The following FUT8 variants were observed in gnomAD, a reference collection of about 807,000 sequenced individuals.
The protein encoded by FUT8 is fucosyltransferase 8.
Under a neutral mutation model 71.3 loss-of-function variants are expected in FUT8, and 29 were observed. That is an observed-to-expected ratio of 0.41 (90% CI 0.30 to 0.55). The LOEUF is 0.55. Ranked by LOEUF, FUT8 falls within the 20% of genes least tolerant of loss-of-function variation. FUT8 has a pLI of 0.34. For synonymous variants in FUT8, 254 were observed against 239.3 expected, an observed-to-expected ratio of 1.06 and a Z score of -0.57; for missense variants, 544 against 702.1, an observed-to-expected ratio of 0.77 and a Z score of 2.55.
intron 2 of FUT8, among the ~76,000 whole-genome samples, chr14:65,497,868 G>A (rs1171589997): frequency 6.6e-6 from 1 of 152,030 alleles, no homozygotes; most frequent in Non-Finnish European, 1.5e-5. Flanking sequence ...CGAATAGGGT[G>A]GGAAAGGAGA....
intron 1 of FUT8, among the ~76,000 whole-genome samples, chr14:65,417,364 A>G (rs548805138): frequency 2.4e-4 from 36 of 152,160 alleles, no homozygotes; most frequent in Non-Finnish European, 3.8e-4. Flanking sequence ...TTCCATTTGG[A>G]ATAATGGGAA....
At position 65,620,343 on chromosome 14, in the gene FUT8, T is replaced by C. The variant is rs145544330; in HGVS notation, c.482+3970T>C. Among the ~76,000 whole-genome samples the C allele has an allele frequency of 9.2e-5, 14 of 152,288 alleles. No individual in the cohort carries two copies. The East Asian group carries it at 2.7e-3, about 29-fold the overall frequency. Reference sequence around the variant, plus strand: ...AGTTTGCATTTCTCATTATCAGTAATATATAGGGCAGCTGTGCTTAGACTA... The same window carrying C: ...AGTTTGCATTTCTCATTATCAGTAACATATAGGGCAGCTGTGCTTAGACTA... On this transcript the variant is annotated intron_variant, in intron 5 of 10. Coordinates refer to ENST00000673929, the MANE Select transcript of FUT8 (RefSeq NM_001371533.1).
intron 3 of FUT8, among the ~76,000 whole-genome samples, chr14:65,567,655 A>G (rs951866076): frequency 6.6e-6 from 1 of 151,888 alleles, no homozygotes; most frequent in African/African-American, 2.4e-5. Context: ...TCAATCTTGT[A>G]TCCATTATTC....
chr14:65,557,402 G>A (rs1332812099), intron 2 of FUT8, among the ~76,000 whole-genome samples: 9 of 149,428 alleles, frequency 6.0e-5, no homozygotes, highest in Admixed American at 3.3e-4. Flanking sequence ...TTGTGATCTC[G>A]GCTCACTGCA....
chr14:65,476,621 A>G (rs539801571), intron 2 of FUT8, among the ~76,000 whole-genome samples: 1 of 142,336 alleles, frequency 7.0e-6, no homozygotes, highest in African/African-American at 2.6e-5. Context: ...TTCAAGTGGT[A>G]GAGTTAAAGA....
intron 5 of FUT8, among the ~76,000 whole-genome samples, chr14:65,617,800 C>T (rs1052655216): frequency 6.6e-6 from 1 of 151,574 alleles, no homozygotes; most frequent in African/African-American, 2.4e-5. Flanking sequence ...AAAAATCAGC[C>T]ATGCATGGTG....
intron 3 of FUT8, among the ~76,000 whole-genome samples, chr14:65,563,496 G>A (rs1359079276): frequency 6.6e-6 from 1 of 151,966 alleles, no homozygotes; most frequent in African/African-American, 2.4e-5. Flanking sequence ...CTGAATAACT[G>A]TATTGCCTTC....
intron 2 of FUT8, chr14:65,458,312 C>T (rs1001546575): frequency 1.2e-4 from 19 of 152,042 alleles, no homozygotes; most frequent in African/African-American, 4.6e-4. Context: ...ATATAGGTAG[C>T]TTCAAAAGTC....
chr14:65,611,528 T>C (rs1029616206), intron 3 of FUT8, among the ~76,000 whole-genome samples: 1 of 152,084 alleles, frequency 6.6e-6, no homozygotes, highest in African/African-American at 2.4e-5. Context: ...TTTGCTCTTT[T>C]TTTCTTAGTT....
At chr14:65,504,218 A>T (rs993689535) in intron 2 of FUT8, among the ~76,000 whole-genome samples, 8 of 152,090 alleles carry the variant, frequency 5.3e-5, no homozygotes, top group African/African-American at 9.7e-5. Flanking sequence ...TGGATTAAAA[A>T]TTTTTTTTAA....
intron 7 of FUT8, among the ~76,000 whole-genome samples, chr14:65,691,677 T>G (rs1471047640): frequency 6.6e-6 from 1 of 151,930 alleles, no homozygotes; most frequent in Non-Finnish European, 1.5e-5. Flanking sequence ...CATAGGACAA[T>G]AGTGGAGGGA....
intron 7 of FUT8, among the ~76,000 whole-genome samples, chr14:65,697,991 C>CAA (rs11383641): frequency 7.2e-4 from 96 of 132,650 alleles, no homozygotes; most frequent in African/African-American, 2.0e-3. Flanking sequence ...AACTCCATCT[C>CAA]AAAAAAAAAA....
rs528713718 is a variant in FUT8 at position 65,698,374 on chromosome 14, A to G, written c.836-23401A>G. Among the ~76,000 whole-genome samples, 442 of 152,318 alleles carry G rather than the reference A, an allele frequency of 2.9e-3. 6 individuals carry two copies. Among genetic ancestry groups the G allele is most frequent in the Middle Eastern group, 0.01 (3 of 294 alleles). On this transcript the variant is annotated intron_variant, in intron 7 of 10. Coordinates refer to ENST00000673929, the MANE Select transcript of FUT8 (RefSeq NM_001371533.1). ...TAAAATTAACAAAAACAAGAATAATATCTCTTTTCCTGTCATGTACTATTT... is the reference window on the plus strand; with the variant it reads ...TAAAATTAACAAAAACAAGAATAATGTCTCTTTTCCTGTCATGTACTATTT...
intron 3 of FUT8, among the ~76,000 whole-genome samples, chr14:65,592,389 C>G (rs539017843): frequency 6.6e-6 from 1 of 152,044 alleles, no homozygotes; most frequent in Non-Finnish European, 1.5e-5. Flanking sequence ...TAATTGTGTT[C>G]TCTCAGAGAA....
At chr14:65,470,881 G>C (rs981092240) in intron 2 of FUT8, among the ~76,000 whole-genome samples, 1 of 151,956 alleles carries the variant, frequency 6.6e-6, no homozygotes, top group Non-Finnish European at 1.5e-5. Flanking sequence ...GAGGGCGGCG[G>C]GCTGTTGAGG....
intron 2 of FUT8, among the ~76,000 whole-genome samples, chr14:65,458,835 C>CTGGA (rs1359357719): frequency 6.8e-6 from 1 of 147,616 alleles, no homozygotes; most frequent in Non-Finnish European, 1.5e-5. Flanking sequence ...GCCACTCAGG[C>CTGGA]TGGAGTGCAG....
Position 65,468,529 on chromosome 14 carries a change from C to T in FUT8, c.-228+12811C>T, listed in dbSNP as rs117391172. On this transcript the variant is annotated intron_variant, in intron 2 of 10. Coordinates refer to ENST00000673929, the MANE Select transcript of FUT8 (RefSeq NM_001371533.1). ...TGTGTGTGTTGATTTTTTTCTTTAC[C>T]TCTTGCTTCTTTCGAGATATCTTAT... 5.7e-3 allele frequency among the ~76,000 whole-genome samples: 861 copies of T among 150,382 alleles called. 29 individuals carry two copies. In the East Asian group the frequency reaches 0.092, roughly 16 times the overall value.
intron 2 of FUT8, among the ~76,000 whole-genome samples, chr14:65,463,512 C>G (rs1427832178): frequency 6.6e-6 from 1 of 152,148 alleles, no homozygotes; most frequent in East Asian, 1.9e-4. Context: ...AAGCAGTTCC[C>G]CACCTCAGCC....
At chr14:65,560,308 C>T (rs1165599891) in intron 2 of FUT8, among the ~76,000 whole-genome samples, 1 of 151,934 alleles carries the variant, frequency 6.6e-6, no homozygotes, top group Non-Finnish European at 1.5e-5. Flanking sequence ...GATTTCTCTT[C>T]TATAGCTTTA....
Sources: gnomAD v4.1 joint callset for allele counts (sites outside exome capture counted in the v4.1 genomes callset) on GRCh38, gnomAD v4.1.1 for gene constraint, MANE v1.5 for transcripts, NCBI Gene and HGNC (gene_info 2026-07-23, HGNC 2026-07-21) for gene names.